COQ10B: variants seen among roughly 807,000 people sequenced by gnomAD.
The protein encoded by COQ10B is coenzyme Q-binding protein COQ10 homolog B, mitochondrial.
COQ10B carries 12 observed loss-of-function variants against 27.6 expected under a neutral mutation model. That is an observed-to-expected ratio of 0.43 (90% CI 0.28 to 0.70). COQ10B has a LOEUF of 0.70. COQ10B is among the 30% of genes least tolerant of loss of function. COQ10B has a pLI of 0.17. For missense variants in COQ10B, 278 were observed against 288.7 expected (o/e 0.96, Z 0.27); for synonymous variants, 115 against 103.0 (o/e 1.12, Z -0.71).
intron 4 of COQ10B, among the ~76,000 whole-genome samples, chr2:197,472,397 T>G (rs2085886560): frequency 6.6e-6 from 1 of 151,980 alleles, no homozygotes; most frequent in African/African-American, 2.4e-5. Flanking sequence ...AGACAGAAAC[T>G]AAAACCCATG....
At chr2:197,455,952 C>T (rs2085693833) in intron 1 of COQ10B, among the ~76,000 whole-genome samples, 1 of 151,900 alleles carries the variant, frequency 6.6e-6, no homozygotes, top group South Asian at 2.1e-4. Context: ...GAGTGAGACC[C>T]TGACTCAAAC....
In COQ10B at chr2:197,460,761, T is replaced by A. The variant is rs1006523136; in HGVS notation, c.254+680T>A. On this transcript the variant is annotated intron_variant, in intron 2 of 4. Transcript: ENST00000263960. Reference sequence around the variant, plus strand: ...ACATTTTCTGTGAAGGGACAGATAGTAACTATATTAGGTTTTGTGGGCCAT... The same window carrying A: ...ACATTTTCTGTGAAGGGACAGATAGAAACTATATTAGGTTTTGTGGGCCAT... Among the ~76,000 whole-genome samples the A allele has an allele frequency of 7.2e-4, 109 of 152,360 alleles. 1 individual carries two copies. The highest frequency in any genetic ancestry group is 6.2e-4 in the South Asian group (3 of 4,828).
intron 4 of COQ10B, 49 bp downstream of exon 4, chr2:197,470,220 G>GT: frequency 9.5e-7 from 1 of 1,053,920 alleles, no homozygotes; most frequent in Non-Finnish European, 1.4e-6. Context: ...GGTAAAATTG[G>GT]TAAAAAGTAA....
At chr2:197,453,875 C>A in intron 1 of COQ10B, 1 of 1,368,010 alleles carries the variant, frequency 7.3e-7, no homozygotes, top group Non-Finnish European at 1.0e-6. Flanking sequence ...GGCTCGTTTG[C>A]CTCGTGAGAG....
intron 3 of COQ10B, among the ~76,000 whole-genome samples, chr2:197,469,417 C>T (rs905147240): frequency 6.6e-6 from 1 of 152,132 alleles, no homozygotes; most frequent in African/African-American, 2.4e-5. Flanking sequence ...ACCAAGATGC[C>T]CTGCACATAG....
intron 4 of COQ10B, among the ~76,000 whole-genome samples, chr2:197,471,707 C>T (rs1476277284): frequency 1.3e-5 from 2 of 151,804 alleles, no homozygotes; most frequent in Admixed American, 6.6e-5. Context: ...TTTGGGAGGC[C>T]GAGGCGGGCA....
chr2:197,459,723 CTAACCTAACTAAGCTGTTA>C (rs1160849157), intron 1 of COQ10B, among the ~76,000 whole-genome samples, 190 bp from the exon 2 acceptor site: 2 of 151,656 alleles, frequency 1.3e-5, no homozygotes, highest in East Asian at 3.9e-4. Flanking sequence ...CCAGAAGCTT[CTAACCTAACTAAGCTGTTA>C]TTTTTGTTTT....
chr2:197,473,782 T>G lies in COQ10B; in HGVS notation c.575T>G (p.Leu192Arg). Residue 192 changes from leucine (L) to arginine (R), a missense_variant, in exon 5 of 5, where the codon CTA becomes CGA. This residue lies in a region of COQ10B where 83 missense variants were observed against 104.5 expected (regional missense o/e 0.79). Coordinates refer to ENST00000263960, the MANE Select transcript of COQ10B (RefSeq NM_025147.5). ...ATTTCTTTTGAATTTCGATCACTTC[T>G]ACATTCCCAGCTTGCCACACTCTTT... The part of the protein sequence containing the change: ...FSISFEFRSL[L>R]HSQLATLFFD... The G allele has an allele frequency of 6.3e-7, 1 of 1,583,074 alleles. No individual in the cohort carries two copies. Among genetic ancestry groups the G allele is most frequent in the Middle Eastern group, 1.7e-4 (1 of 5,942 alleles).
At chr2:197,468,229 A>G (rs1362627649) in intron 3 of COQ10B, among the ~76,000 whole-genome samples, 1 of 151,854 alleles carries the variant, frequency 6.6e-6, no homozygotes, top group Non-Finnish European at 1.5e-5. Flanking sequence ...TCAGGAGGTC[A>G]GGAGATCGAG....
chr2:197,473,415 A>ATATATATATATATATATAT (rs1553575308), intron 4 of COQ10B, among the ~76,000 whole-genome samples: 1 of 59,522 alleles, frequency 1.7e-5, no homozygotes, highest in Non-Finnish European at 2.9e-5. Context: ...AAAAAAAAAA[A>ATATATATATATATATATAT]ATATATATAT....
intron 2 of COQ10B, among the ~76,000 whole-genome samples, chr2:197,461,820 T>C (rs2085762537): frequency 6.6e-6 from 1 of 151,994 alleles, no homozygotes; most frequent in Non-Finnish European, 1.5e-5. Context: ...TTTGTATTTT[T>C]AGTAGAGACC....
intron 4 of COQ10B, among the ~76,000 whole-genome samples, chr2:197,473,398 C>A (rs1457055934): frequency 2.8e-5 from 3 of 107,508 alleles, no homozygotes; most frequent in African/African-American, 4.0e-5. Flanking sequence ...TACGCCCCCC[C>A]CCACAAAAAA....
rs191695162 is a variant in COQ10B, at chr2:197,473,963, G to A, written c.*39G>A. 2.1e-6 allele frequency: 3 copies of A among 1,424,182 alleles called. No homozygotes were observed. In the East Asian group the frequency reaches 7.6e-5, roughly 36 times the overall value. The allele number at this position is 1,424,182 out of a possible 1,614,324, so 88.2% of individuals were successfully genotyped here. ...CTGGTGCCACCTGCTTCTGACTTTA[G>A]TTTGTTCACTTTTAGGAAGTATTTT... On this transcript the variant is annotated 3_prime_UTR_variant, in exon 5 of 5. Transcript: ENST00000263960.
intron 3 of COQ10B, among the ~76,000 whole-genome samples, chr2:197,469,710 G>T (rs1180304199): frequency 6.6e-6 from 1 of 152,164 alleles, no homozygotes; most frequent in East Asian, 1.9e-4. Context: ...AGGAAATAGG[G>T]TATGGGGATT....
chr2:197,471,331 G>A (rs2085875189), intron 4 of COQ10B, among the ~76,000 whole-genome samples: 1 of 151,966 alleles, frequency 6.6e-6, no homozygotes, highest in South Asian at 2.1e-4. Flanking sequence ...ATGTAGGGAT[G>A]GGGTTTTGCC....
intron 3 of COQ10B, among the ~76,000 whole-genome samples, chr2:197,463,553 A>T (rs2106050539): frequency 6.6e-6 from 1 of 151,886 alleles, no homozygotes; most frequent in African/African-American, 2.4e-5. Context: ...GGCTAGAGAG[A>T]GCTGTGATTA....
intron 1 of COQ10B, 110 bp downstream of exon 1, chr2:197,453,774 G>A (rs775593034): frequency 8.6e-5 from 96 of 1,110,676 alleles, no homozygotes; most frequent in Non-Finnish European, 1.7e-5. Flanking sequence ...GTGCATTTCC[G>A]TGTCTTTAGA....
chr2:197,465,052 A>G (rs55766949), intron 3 of COQ10B, among the ~76,000 whole-genome samples: 65,202 of 151,040 alleles, frequency 0.43, 14,480 homozygotes, highest in South Asian at 0.56. Context: ...AGCCTGGCTA[A>G]TTTTTTATAT....
intron 3 of COQ10B, among the ~76,000 whole-genome samples, chr2:197,463,607 C>A (rs1480075938): frequency 1.4e-5 from 2 of 147,122 alleles, no homozygotes; most frequent in East Asian, 2.0e-4. Flanking sequence ...GACAGTGTCT[C>A]AAAAAAAATT....
Sources: gnomAD v4.1 joint callset for allele counts (sites outside exome capture counted in the v4.1 genomes callset) on GRCh38, gnomAD v4.1.1 for gene constraint, gnomAD v4.1.1 regional missense constraint, MANE v1.5 for transcripts, NCBI Gene and HGNC (gene_info 2026-07-23, HGNC 2026-07-21) for gene names.